The following NRCAM variants were observed in gnomAD, a reference collection of about 807,000 sequenced individuals.
The protein encoded by NRCAM is neuronal cell adhesion molecule, also known as NgCAM-related cell adhesion molecule.
Under a neutral mutation model 156.5 loss-of-function variants are expected in NRCAM, and 83 were observed. The observed-to-expected ratio is 0.53, with a 90% CI of 0.44 to 0.64. The LOEUF (loss-of-function observed/expected upper bound fraction) is 0.64, where lower values mean the gene tolerates loss of function less well. Ranked by LOEUF, NRCAM falls within the 30% of genes least tolerant of loss-of-function variation. The probability of loss-of-function intolerance (pLI) is 0.00; values close to 1 mark genes in which losing one functional copy is unlikely to be tolerated. For synonymous variants in NRCAM, 538 were observed against 563.9 expected (o/e 0.95, Z 0.65); for missense variants, 1,417 against 1,597.3 (o/e 0.89, Z 1.92).
At chr7:108,323,087 T>C (rs2099021712) in intron 2 of NRCAM, among the ~76,000 whole-genome samples, 1 of 152,168 alleles carries the variant, frequency 6.6e-6, no homozygotes, top group Admixed American at 6.5e-5. Flanking sequence ...GGAAGGCCTA[T>C]CATAATAAGG....
chr7:108,167,106 A>G, intron 29 of NRCAM, 33 bp from the exon 30 acceptor site: 3 of 1,575,962 alleles, frequency 1.9e-6, no homozygotes, highest in Non-Finnish European at 2.6e-6. Flanking sequence ...ACACATTTGA[A>G]TATTTTAAGG....
intron 1 of NRCAM, among the ~76,000 whole-genome samples, chr7:108,403,512 T>A (rs1313199409): frequency 6.6e-6 from 1 of 152,198 alleles, no homozygotes. Context: ...TTACTTAAAA[T>A]TAATAATTAC....
At chr7:108,161,795 A>C (rs2049162009) in intron 30 of NRCAM, among the ~76,000 whole-genome samples, 1 of 152,220 alleles carries the variant, frequency 6.6e-6, no homozygotes, top group Admixed American at 6.5e-5. Context: ...AAAAATATGG[A>C]CATATGTAGA....
intron 1 of NRCAM, among the ~76,000 whole-genome samples, chr7:108,418,560 T>TACACACACACACACACACACAC (rs59582056): frequency 2.8e-5 from 4 of 143,624 alleles, no homozygotes; most frequent in African/African-American, 1.0e-4. Flanking sequence ...ATACATATTA[T>TACACACACACACACACACACAC]ACACACACAC....
chr7:108,435,455 A>G (rs1370725259), intron 1 of NRCAM, among the ~76,000 whole-genome samples: 1 of 152,162 alleles, frequency 6.6e-6, no homozygotes, highest in African/African-American at 2.4e-5. Context: ...GTAGTTCCAA[A>G]AGCAGAGGAG....
In NRCAM at chr7:108,152,011, T is replaced by C. The variant is rs548625494; in HGVS notation, c.3678-1864A>G. Reference sequence around the variant, plus strand: ...TGTTTATTGAGTGACTACTCTAAGATAGATTGTTCTCGGCACTGGGAATAT... The same window carrying C: ...TGTTTATTGAGTGACTACTCTAAGACAGATTGTTCTCGGCACTGGGAATAT... On this transcript the variant is annotated intron_variant, in intron 32 of 32. Transcript: ENST00000379028. Among the ~76,000 whole-genome samples the C allele has an allele frequency of 5.9e-5, 9 of 152,320 alleles. No individual in the cohort carries two copies. The South Asian group carries it at 1.2e-3, about 21-fold the overall frequency.
At chr7:108,210,786 C>T (rs2153594945) in intron 11 of NRCAM, among the ~76,000 whole-genome samples, 1 of 152,280 alleles carries the variant, frequency 6.6e-6, no homozygotes, top group South Asian at 2.1e-4. Context: ...AAGTACTGAA[C>T]TATACACCAA....
chr7:108,196,789 T>A (rs1022265072), intron 14 of NRCAM, among the ~76,000 whole-genome samples: 24 of 152,286 alleles, frequency 1.6e-4, no homozygotes, highest in African/African-American at 5.8e-4. Context: ...TTATACTGTT[T>A]ATACTCAAAA....
chr7:108,440,094 T>A (rs1488652774), intron 1 of NRCAM, among the ~76,000 whole-genome samples: 1 of 152,112 alleles, frequency 6.6e-6, no homozygotes, highest in Non-Finnish European at 1.5e-5. Context: ...TTAATAATAG[T>A]CTCAAATTGG....
chr7:108,261,304 C>T (rs1251601548), intron 3 of NRCAM, among the ~76,000 whole-genome samples: 1 of 152,172 alleles, frequency 6.6e-6, no homozygotes, highest in Non-Finnish European at 1.5e-5. Context: ...TTTCCTGAAG[C>T]CCAAGCACTG....
chr7:108,177,935 ATAAT>A (rs1419561091), intron 26 of NRCAM, 51 bp downstream of exon 26: 23 of 1,511,666 alleles, frequency 1.5e-5, no homozygotes, highest in Non-Finnish European at 2.0e-5. Flanking sequence ...GTCAATTAAA[ATAAT>A]AAATAAAATA....
At chr7:108,236,766 T>C (rs1452416094) in intron 5 of NRCAM, among the ~76,000 whole-genome samples, 1 of 151,978 alleles carries the variant, frequency 6.6e-6, no homozygotes, top group Non-Finnish European at 1.5e-5. Context: ...TCTGGGAGTA[T>C]ATAGAATTTG....
chr7:108,229,216 G>C (rs2093957195), intron 8 of NRCAM, among the ~76,000 whole-genome samples: 2 of 152,126 alleles, frequency 1.3e-5, no homozygotes, highest in East Asian at 3.8e-4. Flanking sequence ...TCTCTCAGCA[G>C]CATTTGAAAT....
chr7:108,348,239 TGA>T (rs755374585), intron 2 of NRCAM, among the ~76,000 whole-genome samples: 6 of 152,226 alleles, frequency 3.9e-5, no homozygotes, highest in Non-Finnish European at 8.8e-5. Flanking sequence ...CATGTGTGTG[TGA>T]GTGAGTGAAT....
At chr7:108,244,092 C>T (rs550376916) in intron 3 of NRCAM, among the ~76,000 whole-genome samples, 2 of 152,226 alleles carry the variant, frequency 1.3e-5, no homozygotes, top group African/African-American at 4.8e-5. Context: ...TAAAACCTTT[C>T]TTTTTCTCTC....
chr7:108,317,054 T>C (rs761997030), intron 2 of NRCAM, among the ~76,000 whole-genome samples: 1 of 152,220 alleles, frequency 6.6e-6, no homozygotes, highest in Non-Finnish European at 1.5e-5. Flanking sequence ...TGGCTGTATG[T>C]CAATGCCAGT....
At chr7:108,207,477 T>C in intron 13 of NRCAM, 51 bp downstream of exon 13, 1 of 1,580,576 alleles carries the variant, frequency 6.3e-7, no homozygotes, top group Non-Finnish European at 8.7e-7. Flanking sequence ...TGTCGGGATG[T>C]ATATATGCTC....
intron 3 of NRCAM, among the ~76,000 whole-genome samples, chr7:108,301,508 G>A (rs1470744603): frequency 6.6e-6 from 1 of 152,176 alleles, no homozygotes; most frequent in Non-Finnish European, 1.5e-5. Context: ...AAGAAAACAG[G>A]CAGGGTGCCC....
chr7:108,245,654 T>G (rs2095857269), intron 3 of NRCAM, among the ~76,000 whole-genome samples: 1 of 152,226 alleles, frequency 6.6e-6, no homozygotes, highest in East Asian at 1.9e-4. Context: ...TACCAAGTTT[T>G]GTGAATCCTT....
Sources: allele counts gnomAD v4.1 joint callset (sites outside exome capture counted in the v4.1 genomes callset), GRCh38; gene constraint gnomAD v4.1.1; transcripts MANE v1.5; gene names NCBI Gene and HGNC (gene_info 2026-07-23, HGNC 2026-07-21).